The following EFNA5 variants were observed in gnomAD, a reference collection of about 807,000 sequenced individuals.
EFNA5 encodes ephrin A5.
A neutral mutation model predicts 22.9 loss-of-function variants in EFNA5; 5 were observed. The ratio of observed to expected loss-of-function variants is 0.22; its 90% confidence interval spans 0.11 to 0.46. The LOEUF (loss-of-function observed/expected upper bound fraction) is 0.46. Among genes scored for constraint, EFNA5 ranks in the 20% least tolerant of loss-of-function variants. The pLI is 0.99. For synonymous variants in EFNA5, 113 were observed against 112.2 expected, an observed-to-expected ratio of 1.01 and a Z score of -0.04; for missense variants, 237 against 293.3, an observed-to-expected ratio of 0.81 and a Z score of 1.40.
chr5:107,494,380 G>C (rs1051839883), intron 1 of EFNA5, among the ~76,000 whole-genome samples: 1 of 152,214 alleles, frequency 6.6e-6, no homozygotes, highest in Admixed American at 6.5e-5. Flanking sequence ...GAGGGGCTTA[G>C]CACCCAGGCC....
intron 2 of EFNA5, among the ~76,000 whole-genome samples, chr5:107,398,559 T>C (rs1430194088): frequency 1.3e-5 from 2 of 152,110 alleles, no homozygotes; most frequent in Non-Finnish European, 2.9e-5. Flanking sequence ...AAAAAAAATC[T>C]GTCGAGGCCA....
At chr5:107,638,195 C>T (rs1000645179) in intron 1 of EFNA5, among the ~76,000 whole-genome samples, 2 of 152,008 alleles carry the variant, frequency 1.3e-5, no homozygotes, top group African/African-American at 2.4e-5. Context: ...TCAACTACTT[C>T]TAATCATAGA....
intron 1 of EFNA5, among the ~76,000 whole-genome samples, chr5:107,439,313 G>A (rs1461219031): frequency 6.6e-6 from 1 of 152,148 alleles, no homozygotes; most frequent in Non-Finnish European, 1.5e-5. Flanking sequence ...CCTTGGTCTG[G>A]GACTTCTAGC....
At chr5:107,419,448 A>G (rs562055574) in intron 2 of EFNA5, among the ~76,000 whole-genome samples, 17 of 152,336 alleles carry the variant, frequency 1.1e-4, no homozygotes, top group Middle Eastern at 3.4e-3. Flanking sequence ...ATTCTTAAAA[A>G]ATATGCTGGC....
At chr5:107,434,269 C>A (rs1020213784) in intron 1 of EFNA5, among the ~76,000 whole-genome samples, 2 of 152,166 alleles carry the variant, frequency 1.3e-5, no homozygotes, top group Non-Finnish European at 2.9e-5. Context: ...TAAGTAGATA[C>A]CACCTCGCTT....
rs150328529 is a variant in EFNA5, at chr5:107,490,374, G to A, written c.126-62865C>T. Among the ~76,000 whole-genome samples, 514 of 152,214 alleles carry A rather than the reference G, an allele frequency of 3.4e-3. 5 individuals carry two copies. Among genetic ancestry groups the A allele is most frequent in the African/African-American group, 0.012 (486 of 41,514 alleles). ...ACCTCCCAAGTAGCTGAGACTACAG[G>A]TGCACGTTACCATGCCCAGCTATTG... On this transcript the variant is annotated intron_variant, in intron 1 of 4. Transcript: ENST00000333274.
intron 1 of EFNA5, among the ~76,000 whole-genome samples, chr5:107,460,462 A>G (rs555605637): frequency 5.9e-5 from 9 of 152,332 alleles, no homozygotes; most frequent in African/African-American, 1.9e-4. Context: ...ACACGTATGA[A>G]TAATGAGGCT....
chr5:107,563,874 T>G (rs1748599502), intron 1 of EFNA5, among the ~76,000 whole-genome samples: 1 of 152,208 alleles, frequency 6.6e-6, no homozygotes. Context: ...CTTTCTAAAG[T>G]GCAATTCTCA....
chr5:107,501,619 ATTTG>A (rs983318245), intron 1 of EFNA5, among the ~76,000 whole-genome samples: 36 of 152,350 alleles, frequency 2.4e-4, no homozygotes, highest in African/African-American at 8.7e-4. Context: ...ACCATTCACT[ATTTG>A]TTTGAAAAAC....
At position 107,521,676 on chromosome 5, in the gene EFNA5, A is replaced by G. The variant is rs1462825905; in HGVS notation, c.126-94167T>C. Among the ~76,000 whole-genome samples the G allele has an allele frequency of 2.0e-5, 3 of 151,986 alleles. No homozygotes were observed. In the East Asian group the frequency reaches 5.8e-4, roughly 29 times the overall value. On this transcript the variant is annotated intron_variant, in intron 1 of 4. Transcript: ENST00000333274. ...CTCACTGTTGCTGCCCAGCTTCGTG[A>G]CAGATACTGTACTGCATATCGCCAG...
chr5:107,422,032 C>CT (rs2112415214), intron 2 of EFNA5, among the ~76,000 whole-genome samples: 1 of 152,270 alleles, frequency 6.6e-6, no homozygotes, highest in East Asian at 1.9e-4. Flanking sequence ...CTCAGGTGAT[C>CT]CACTTGCCTT....
intron 2 of EFNA5, among the ~76,000 whole-genome samples, chr5:107,425,112 C>T (rs1020336503): frequency 1.3e-5 from 2 of 152,038 alleles, no homozygotes; most frequent in Admixed American, 6.5e-5. Flanking sequence ...TAAATGACTC[C>T]GTTAAATGAA....
intron 1 of EFNA5, among the ~76,000 whole-genome samples, chr5:107,593,987 T>G (rs1343524978): frequency 2.6e-5 from 4 of 152,242 alleles, no homozygotes; most frequent in African/African-American, 9.6e-5. Flanking sequence ...AAATAGTTAT[T>G]TGATTAGTTA....
chr5:107,552,524 G>A (rs926389748), intron 1 of EFNA5, among the ~76,000 whole-genome samples: 5 of 152,156 alleles, frequency 3.3e-5, no homozygotes, highest in Admixed American at 2.0e-4. Context: ...AGGCTCCAAA[G>A]TCTATGTTAA....
chr5:107,591,884 A>ATATAT (rs1749338913), intron 1 of EFNA5, among the ~76,000 whole-genome samples: 2 of 25,296 alleles, frequency 7.9e-5, no homozygotes, highest in African/African-American at 5.6e-4. Flanking sequence ...AATATATAAT[A>ATATAT]TATATATTAT....
At chr5:107,417,819 T>C (rs1204999503) in intron 2 of EFNA5, among the ~76,000 whole-genome samples, 2 of 152,152 alleles carry the variant, frequency 1.3e-5, no homozygotes, top group African/African-American at 2.4e-5. Flanking sequence ...AAGAACTCTG[T>C]AGATAATATA....
chr5:107,578,713 C>T (rs1257466892), intron 1 of EFNA5, among the ~76,000 whole-genome samples: 1 of 152,102 alleles, frequency 6.6e-6, no homozygotes, highest in Non-Finnish European at 1.5e-5. Flanking sequence ...CAAACACACA[C>T]ACTCATACCC....
At chr5:107,405,873 A>C (rs183400670) in intron 2 of EFNA5, among the ~76,000 whole-genome samples, 47 of 147,952 alleles carry the variant, frequency 3.2e-4, no homozygotes, top group East Asian at 1.2e-3. Flanking sequence ...ATACAAATAC[A>C]TATATTTGTA....
chr5:107,552,344 A>G (rs564853921), intron 1 of EFNA5, among the ~76,000 whole-genome samples: 13 of 152,362 alleles, frequency 8.5e-5, no homozygotes, highest in Non-Finnish European at 1.9e-4. Context: ...GGCTGATTAT[A>G]TGCTTGGCAT....
Sources: gnomAD v4.1 joint callset for allele counts (sites outside exome capture counted in the v4.1 genomes callset) on GRCh38, gnomAD v4.1.1 for gene constraint, MANE v1.5 for transcripts, NCBI Gene and HGNC (gene_info 2026-07-23, HGNC 2026-07-21) for gene names.